RNF130: variants seen among roughly 807,000 people sequenced by gnomAD.
RNF130 encodes the protein E3 ubiquitin-protein ligase RNF130.
RNF130 carries 21 observed loss-of-function variants against 44.6 expected under a neutral mutation model. That is an observed-to-expected ratio of 0.47 (90% CI 0.33 to 0.68). The LOEUF is 0.68. Ranked by LOEUF, RNF130 falls within the 30% of genes least tolerant of loss-of-function variation. RNF130 has a pLI of 0.02. For synonymous variants in RNF130, 214 were observed against 210.4 expected (o/e 1.02, Z -0.15); for missense variants, 479 against 560.6 (o/e 0.85, Z 1.47).
At chr5:179,930,147 C>A (rs1333446383) in intron 7 of RNF130, among the ~76,000 whole-genome samples, 3 of 151,980 alleles carry the variant, frequency 2.0e-5, no homozygotes, top group Non-Finnish European at 4.4e-5. Context: ...GACCTCTGCC[C>A]CCCGGGTTCA....
intron 7 of RNF130, among the ~76,000 whole-genome samples, chr5:179,920,795 A>ATATT (rs1554099383): frequency 1.1e-3 from 152 of 143,410 alleles, no homozygotes; most frequent in African/African-American, 3.5e-3. Flanking sequence ...ATATATATAT[A>ATATT]TTTTTTTTTT....
At chr5:180,059,219 CCT>C (rs1425148259) in intron 1 of RNF130, among the ~76,000 whole-genome samples, 1 of 152,286 alleles carries the variant, frequency 6.6e-6, no homozygotes, top group Non-Finnish European at 1.5e-5. Flanking sequence ...CTTTCTGCCC[CCT>C]CTCAGTGTAA....
intron 7 of RNF130, among the ~76,000 whole-genome samples, chr5:179,920,584 T>A (rs560022751): frequency 1.3e-5 from 2 of 152,228 alleles, no homozygotes; most frequent in South Asian, 4.1e-4. Context: ...AGTGCGGGCA[T>A]CCTTCAATTC....
At chr5:180,031,072 C>G (rs572120665) in intron 2 of RNF130, among the ~76,000 whole-genome samples, 48 of 152,354 alleles carry the variant, frequency 3.2e-4, no homozygotes, top group African/African-American at 1.0e-3. Flanking sequence ...AATATATTTT[C>G]TCTTCCTTAT....
intron 2 of RNF130, among the ~76,000 whole-genome samples, chr5:180,026,842 C>T (rs1297434023): frequency 6.6e-6 from 1 of 152,158 alleles, no homozygotes; most frequent in African/African-American, 2.4e-5. Context: ...CTGCAGAGAA[C>T]CGAAAGACAT....
At chr5:179,980,541 C>T (rs971875170) in intron 3 of RNF130, 2 of 228,580 alleles carry the variant, frequency 8.7e-6, no homozygotes, top group African/African-American at 2.3e-5. Context: ...ACTTCTTGCA[C>T]ACTCCAGAGC....
At chr5:179,939,800 G>A (rs1761947011) in intron 7 of RNF130, 1 of 396,450 alleles carries the variant, frequency 2.5e-6, no homozygotes, top group African/African-American at 2.2e-5. Flanking sequence ...CCTCAAATGG[G>A]TCTTCAAAGA....
At chr5:179,962,259 C>T (rs1301494742) in intron 8 of RNF130, among the ~76,000 whole-genome samples, 2 of 152,228 alleles carry the variant, frequency 1.3e-5, no homozygotes, top group Non-Finnish European at 2.9e-5. Context: ...GTATGGCTCA[C>T]AGATGCCAGG....
intron 5 of RNF130, among the ~76,000 whole-genome samples, chr5:179,974,835 G>A (rs1032944312): frequency 1.9e-4 from 29 of 152,376 alleles, no homozygotes; most frequent in East Asian, 5.8e-4. Context: ...GAGCAGGCAC[G>A]CAGCGGCGCG....
chr5:179,965,693 A>G (rs1446328855), intron 7 of RNF130, among the ~76,000 whole-genome samples: 1 of 152,178 alleles, frequency 6.6e-6, no homozygotes, highest in Admixed American at 6.5e-5. Context: ...ACGAATCGAG[A>G]GATGGTGAGA....
At chr5:179,958,755 C>T (rs186699629) in intron 8 of RNF130, among the ~76,000 whole-genome samples, 38 of 152,240 alleles carry the variant, frequency 2.5e-4, no homozygotes, top group East Asian at 1.4e-3. Context: ...GGGGCGATCT[C>T]GGCTCACTGC....
At chr5:179,978,691 C>T (rs568124143) in intron 4 of RNF130, among the ~76,000 whole-genome samples, 1 of 152,262 alleles carries the variant, frequency 6.6e-6, no homozygotes, top group East Asian at 1.9e-4. Context: ...TAAACACACA[C>T]CTAAGTACAG....
Position 180,047,579 on chromosome 5 carries a change from TATTAAAAA to T in RNF130, c.248-6940_248-6933del, listed in dbSNP as rs1193459095. ...GACCAACATGGTGAAACCCTGTCTC[TATTAAAAA>T]TACAAAATTTAGCTTGGCGTGGTGT... On this transcript the variant is annotated intron_variant, in intron 1 of 8. Coordinates refer to ENST00000521389, the MANE Select transcript of RNF130 (RefSeq NM_018434.6). Among the ~76,000 whole-genome samples the T allele has an allele frequency of 7.1e-4, 108 of 152,246 alleles. 1 individual carries two copies. Among genetic ancestry groups the T allele is most frequent in the Non-Finnish European group, 5.9e-5 (4 of 68,026 alleles).
At chr5:180,002,458 A>G (rs1312205988) in intron 3 of RNF130, among the ~76,000 whole-genome samples, 6 of 152,316 alleles carry the variant, frequency 3.9e-5, no homozygotes, top group East Asian at 3.9e-4. Context: ...CACAGCTCCA[A>G]TTCCAAGATG....
At chr5:180,005,213 T>A (rs763635266) in intron 3 of RNF130, among the ~76,000 whole-genome samples, 2 of 152,088 alleles carry the variant, frequency 1.3e-5, no homozygotes, top group Non-Finnish European at 2.9e-5. Flanking sequence ...GGATCACCTA[T>A]GGTCAGGAGT....
At chr5:179,983,906 G>C in intron 3 of RNF130, among the ~76,000 whole-genome samples, 1 of 152,236 alleles carries the variant, frequency 6.6e-6, no homozygotes, top group East Asian at 1.9e-4. Context: ...TATGGAAAAT[G>C]GGATTTCTTA....
At chr5:179,986,524 G>C (rs981598842) in intron 3 of RNF130, among the ~76,000 whole-genome samples, 1 of 152,204 alleles carries the variant, frequency 6.6e-6, no homozygotes, top group Non-Finnish European at 1.5e-5. Flanking sequence ...ACCTAATGGA[G>C]GGACGAACTA....
intron 7 of RNF130, among the ~76,000 whole-genome samples, chr5:179,926,425 C>T (rs1253893198): frequency 6.6e-6 from 1 of 152,106 alleles, no homozygotes; most frequent in Non-Finnish European, 1.5e-5. Context: ...GCAGGCGGAT[C>T]ACCTGAGATC....
At chr5:179,988,862 T>G (rs930429764) in intron 3 of RNF130, among the ~76,000 whole-genome samples, 1 of 152,228 alleles carries the variant, frequency 6.6e-6, no homozygotes, top group African/African-American at 2.4e-5. Context: ...CTGCAGCAAT[T>G]TGATACAGTG....
Sources: gnomAD v4.1 joint callset for allele counts (sites outside exome capture counted in the v4.1 genomes callset) on GRCh38, gnomAD v4.1.1 for gene constraint, MANE v1.5 for transcripts, NCBI Gene and HGNC (gene_info 2026-07-23, HGNC 2026-07-21) for gene names.